The following LINGO2 variants were observed in gnomAD, a reference collection of about 807,000 sequenced individuals.
LINGO2 encodes the protein leucine rich repeat and Ig domain containing 2.
A neutral mutation model predicts 30.6 loss-of-function variants in LINGO2; 14 were observed. The ratio of observed to expected loss-of-function variants is 0.46; its 90% CI spans 0.30 to 0.72. The LOEUF is 0.72. Ranked by LOEUF, LINGO2 falls within the 30% of genes least tolerant of loss-of-function variation. The pLI, the probability that LINGO2 is intolerant of heterozygous loss-of-function variation, is 0.07. For synonymous variants in LINGO2, 317 were observed against 288.5 expected (o/e 1.10, Z -1.00); for missense variants, 729 against 751.7 (o/e 0.97, Z 0.35).
chr9:29,002,651 C>T, the LINGO2 span, among the ~76,000 whole-genome samples: 1 of 152,034 alleles, frequency 6.6e-6, no homozygotes, highest in African/African-American at 2.4e-5. Flanking sequence ...AGTCTCTCTT[C>T]CTGCAAGTAA....
At chr9:28,950,757 A>G in the LINGO2 span, among the ~76,000 whole-genome samples, 4 of 152,184 alleles carry the variant, frequency 2.6e-5, no homozygotes, top group African/African-American at 9.7e-5. Context: ...GACACAAACA[A>G]ATAGAAAAAC....
chr9:28,566,568 G>C (rs1476995472), intron 1 of LINGO2, among the ~76,000 whole-genome samples: 1 of 152,114 alleles, frequency 6.6e-6, no homozygotes, highest in Non-Finnish European at 1.5e-5. Flanking sequence ...CTCAGATGTT[G>C]TGTATGGGGT....
intron 4 of LINGO2, among the ~76,000 whole-genome samples, chr9:28,132,997 G>A (rs567125853): frequency 3.9e-5 from 6 of 152,202 alleles, no homozygotes; most frequent in Non-Finnish European, 5.9e-5. Flanking sequence ...CTTTCAGCCC[G>A]TACATTTTTA....
the LINGO2 span, among the ~76,000 whole-genome samples, chr9:28,766,794 G>C: frequency 7.4e-3 from 971 of 131,750 alleles, 21 homozygotes; most frequent in African/African-American, 0.037. Flanking sequence ...GAGAGGGAGA[G>C]AGAGAGAGAG....
intron 2 of LINGO2, among the ~76,000 whole-genome samples, chr9:28,420,004 T>G (rs904721857): frequency 5.3e-5 from 8 of 152,078 alleles, no homozygotes; most frequent in Non-Finnish European, 1.0e-4. Flanking sequence ...ATGACACATT[T>G]GAATGTTTGG....
chr9:28,812,398 C>T, the LINGO2 span, among the ~76,000 whole-genome samples: 1 of 151,970 alleles, frequency 6.6e-6, no homozygotes, highest in African/African-American at 2.4e-5. Context: ...ATCTCTCTTT[C>T]ATGATGCGCA....
the LINGO2 span, among the ~76,000 whole-genome samples, chr9:29,171,310 C>T: frequency 6.6e-6 from 1 of 152,034 alleles, no homozygotes; most frequent in Non-Finnish European, 1.5e-5. Flanking sequence ...TGAAGAGATC[C>T]TCTCTGAGAA....
intron 4 of LINGO2, among the ~76,000 whole-genome samples, chr9:28,099,739 A>G (rs1369293097): frequency 1.3e-5 from 2 of 152,198 alleles, no homozygotes; most frequent in Non-Finnish European, 2.9e-5. Context: ...ATATTGATTC[A>G]CACTGATAAA....
chr9:28,457,332 GA>G, intron 2 of LINGO2, among the ~76,000 whole-genome samples: 1 of 152,272 alleles, frequency 6.6e-6, no homozygotes, highest in African/African-American at 2.4e-5. Flanking sequence ...AGCACACAGT[GA>G]AGGCTTAAGT....
intron 4 of LINGO2, among the ~76,000 whole-genome samples, chr9:28,177,208 C>T (rs1205369129): frequency 1.3e-5 from 2 of 152,082 alleles, no homozygotes; most frequent in Admixed American, 6.5e-5. Context: ...TCATAGATGG[C>T]TATTGTAAAG....
chr9:28,396,324 G>A (rs761396575), intron 2 of LINGO2, among the ~76,000 whole-genome samples: 28 of 152,154 alleles, frequency 1.8e-4, no homozygotes, highest in Non-Finnish European at 4.0e-4. Context: ...ATTTTAGAGA[G>A]TCTAGTCAGA....
intron 5 of LINGO2, among the ~76,000 whole-genome samples, chr9:28,010,949 C>G (rs1160104558): frequency 6.6e-6 from 1 of 152,186 alleles, no homozygotes; most frequent in Non-Finnish European, 1.5e-5. Flanking sequence ...CAGACTCTGT[C>G]TCTAAAATAA....
At chr9:29,126,234 G>C in the LINGO2 span, among the ~76,000 whole-genome samples, 2 of 151,514 alleles carry the variant, frequency 1.3e-5, no homozygotes, top group Non-Finnish European at 1.5e-5. Flanking sequence ...TAATTGAGTA[G>C]CCAGAACAAT....
the LINGO2 span, among the ~76,000 whole-genome samples, chr9:28,954,257 A>G: frequency 3.3e-5 from 5 of 152,302 alleles, no homozygotes; most frequent in South Asian, 6.2e-4. Context: ...TGTTAAAATG[A>G]TGTTAAATGA....
chr9:28,872,398 T>C, the LINGO2 span, among the ~76,000 whole-genome samples: 2 of 152,038 alleles, frequency 1.3e-5, no homozygotes, highest in South Asian at 2.1e-4. Flanking sequence ...ACAGGAAAGA[T>C]AAGATTCACA....
chr9:28,504,590 AT>A (rs762507214), intron 1 of LINGO2, among the ~76,000 whole-genome samples: 35 of 151,656 alleles, frequency 2.3e-4, no homozygotes, highest in Non-Finnish European at 3.8e-4. Flanking sequence ...TAACTGCTAG[AT>A]TTTTTTTCAT....
chr9:28,729,701 G>A, the LINGO2 span, among the ~76,000 whole-genome samples: 72 of 151,548 alleles, frequency 4.8e-4, 1 homozygote, highest in East Asian at 0.013. Flanking sequence ...AAGGAAATCA[G>A]GAGGAAAAAA....
At chr9:28,432,976 T>C (rs1324471361) in intron 2 of LINGO2, among the ~76,000 whole-genome samples, 2 of 151,984 alleles carry the variant, frequency 1.3e-5, no homozygotes, top group Non-Finnish European at 2.9e-5. Context: ...GAAATGACAG[T>C]AGTAAGACAA....
At chr9:29,156,857 C>T in the LINGO2 span, among the ~76,000 whole-genome samples, 3 of 152,006 alleles carry the variant, frequency 2.0e-5, no homozygotes, top group Non-Finnish European at 2.9e-5. Context: ...GGTAAGGTAT[C>T]ACTTAATGTA....
Sources: allele counts gnomAD v4.1 joint callset (sites outside exome capture counted in the v4.1 genomes callset), GRCh38; gene constraint gnomAD v4.1.1; transcripts MANE v1.5; gene names NCBI Gene and HGNC (gene_info 2026-07-23, HGNC 2026-07-21).